Variants in FBXO11 observed in about 807,000 individuals in gnomAD.
The protein encoded by FBXO11 is F-box only protein 11.
FBXO11 carries 13 observed loss-of-function variants against 117.0 expected under a neutral mutation model. The ratio of observed to expected loss-of-function variants is 0.11; its 90% confidence interval spans 0.07 to 0.18. The LOEUF is 0.18. Among genes scored for constraint, FBXO11 ranks in the 10% least tolerant of loss-of-function variants. FBXO11 has a pLI of 1.00. For synonymous variants in FBXO11, 490 were observed against 380.5 expected (o/e 1.29, Z -3.35); for missense variants, 767 against 1,164.4 (o/e 0.66, Z 4.97).
At chr2:47,874,201 G>A (rs974520204) in intron 1 of FBXO11, among the ~76,000 whole-genome samples, 9 of 152,180 alleles carry the variant, frequency 5.9e-5, no homozygotes, top group Non-Finnish European at 1.0e-4. Flanking sequence ...ACGATAGTGC[G>A]AGACTGTCTC....
chr2:47,823,113 T>C (rs779733041), intron 12 of FBXO11, 30 bp downstream of exon 12: 1 of 1,506,086 alleles, frequency 6.6e-7, no homozygotes, highest in Admixed American at 2.0e-5. Context: ...AGTGAAAAAG[T>C]AATTTTCACC....
chr2:47,896,585 C>G (rs1257183405), intron 1 of FBXO11, among the ~76,000 whole-genome samples: 1 of 152,192 alleles, frequency 6.6e-6, no homozygotes, highest in Non-Finnish European at 1.5e-5. Flanking sequence ...CCCACCCAGC[C>G]TCCCAAAAAG....
chr2:47,864,241 G>A (rs1478810968), intron 1 of FBXO11, among the ~76,000 whole-genome samples: 1 of 152,130 alleles, frequency 6.6e-6, no homozygotes, highest in African/African-American at 2.4e-5. Context: ...GGTATTTCAT[G>A]AGAAAACATA....
chr2:47,900,579 CACAT>C (rs1431919475), intron 1 of FBXO11, among the ~76,000 whole-genome samples: 2 of 138,648 alleles, frequency 1.4e-5, no homozygotes, highest in Non-Finnish European at 3.2e-5. Flanking sequence ...CACGTATACA[CACAT>C]ATATACGTAT....
intron 1 of FBXO11, among the ~76,000 whole-genome samples, chr2:47,886,297 G>C (rs967835751): frequency 6.6e-6 from 1 of 152,042 alleles, no homozygotes; most frequent in Non-Finnish European, 1.5e-5. Flanking sequence ...ACAAGGTCAG[G>C]AGTTCAAGAC....
intron 1 of FBXO11, among the ~76,000 whole-genome samples, chr2:47,900,585 T>C (rs570406588): frequency 2.3e-5 from 3 of 127,924 alleles, no homozygotes; most frequent in Non-Finnish European, 3.7e-5. Context: ...TACACACATA[T>C]ATACGTATAT....
In FBXO11 at chr2:47,818,941, C is replaced by A; in HGVS notation, c.1920+15G>T. ...AACAATGTATTTCCCATCCAAGAGT[C>A]CAGGCTAATCCTACCTGCTTGCCAC... On this transcript the variant is annotated intron_variant, in intron 15 of 22. Coordinates refer to ENST00000403359, the MANE Select transcript of FBXO11 (RefSeq NM_001190274.2). 6.2e-7 allele frequency: 1 copy of A among 1,608,688 alleles called. No homozygotes were observed. Among genetic ancestry groups the A allele is most frequent in the Non-Finnish European group, 8.5e-7 (1 of 1,178,662 alleles).
At chr2:47,869,188 C>T (rs1328151993) in intron 1 of FBXO11, among the ~76,000 whole-genome samples, 1 of 152,152 alleles carries the variant, frequency 6.6e-6, no homozygotes, top group Non-Finnish European at 1.5e-5. Flanking sequence ...TTATTTATTA[C>T]CCATAGTAAC....
At chr2:47,880,870 T>C (rs377058443) in intron 1 of FBXO11, among the ~76,000 whole-genome samples, 2 of 152,224 alleles carry the variant, frequency 1.3e-5, no homozygotes, top group African/African-American at 4.8e-5. Context: ...GTGTACCTTG[T>C]ATAAACCAGA....
At chr2:47,898,550 C>T (rs1484583548) in intron 1 of FBXO11, among the ~76,000 whole-genome samples, 2 of 152,212 alleles carry the variant, frequency 1.3e-5, no homozygotes, top group East Asian at 1.9e-4. Context: ...GAAATCTACC[C>T]TTCTTTGTAT....
intron 1 of FBXO11, among the ~76,000 whole-genome samples, chr2:47,849,470 GTTAC>G (rs1673680381): frequency 1.3e-5 from 2 of 152,050 alleles, no homozygotes; most frequent in Non-Finnish European, 2.9e-5. Context: ...GTGCATTTTC[GTTAC>G]TTAGTAACAA....
At chr2:47,875,502 T>C (rs2103861058) in intron 1 of FBXO11, among the ~76,000 whole-genome samples, 1 of 151,642 alleles carries the variant, frequency 6.6e-6, no homozygotes, top group Non-Finnish European at 1.5e-5. Flanking sequence ...TTTTGTCTTT[T>C]TTTTTTTTAG....
chr2:47,829,219 C>T (rs1672000995), intron 11 of FBXO11, among the ~76,000 whole-genome samples: 1 of 151,458 alleles, frequency 6.6e-6, no homozygotes, highest in Non-Finnish European at 1.5e-5. Context: ...AGTTATTTGG[C>T]ACTGCTATGA....
At chr2:47,887,909 G>T (rs1360514700) in intron 1 of FBXO11, among the ~76,000 whole-genome samples, 1 of 152,100 alleles carries the variant, frequency 6.6e-6, no homozygotes, top group Non-Finnish European at 1.5e-5. Flanking sequence ...CTAGCTACTG[G>T]CGCAGAGGTG....
At chr2:47,903,272 C>T (rs899724700) in intron 1 of FBXO11, among the ~76,000 whole-genome samples, 1 of 152,194 alleles carries the variant, frequency 6.6e-6, no homozygotes, top group Non-Finnish European at 1.5e-5. Context: ...AAGACTCACA[C>T]TATTTTCCCT....
chr2:47,833,288 G>A (rs950690685), intron 7 of FBXO11, among the ~76,000 whole-genome samples: 6 of 152,106 alleles, frequency 3.9e-5, no homozygotes, highest in African/African-American at 1.4e-4. Flanking sequence ...AATATAAAAT[G>A]CAACGGCATA....
intron 21 of FBXO11, chr2:47,808,933 G>C (rs1405609512): frequency 5.0e-6 from 2 of 399,474 alleles, no homozygotes; most frequent in Non-Finnish European, 4.5e-6. Context: ...CTGGGCTCCA[G>C]TGATCCTCCC....
intron 1 of FBXO11, among the ~76,000 whole-genome samples, chr2:47,876,310 ATCAAC>A (rs757462135): frequency 3.8e-4 from 58 of 152,300 alleles, no homozygotes; most frequent in Non-Finnish European, 6.5e-4. Context: ...TGTATTTGCA[ATCAAC>A]TCAACTTGAT....
chr2:47,879,149 G>A (rs919330638), intron 1 of FBXO11, among the ~76,000 whole-genome samples: 4 of 152,084 alleles, frequency 2.6e-5, no homozygotes, highest in African/African-American at 9.7e-5. Flanking sequence ...CAGCTGCATG[G>A]TATTCCATTA....
Sources: allele counts gnomAD v4.1 joint callset (sites outside exome capture counted in the v4.1 genomes callset), GRCh38; gene constraint gnomAD v4.1.1; transcripts MANE v1.5; gene names NCBI Gene and HGNC (gene_info 2026-07-23, HGNC 2026-07-21).